The following PHLDB1 variants were observed in gnomAD, a reference collection of about 807,000 sequenced individuals.
The protein encoded by PHLDB1 is pleckstrin homology-like domain family B member 1.
PHLDB1 carries 65 observed loss-of-function variants against 139.3 expected under a neutral mutation model. That is an observed-to-expected ratio of 0.47 (90% confidence interval 0.38 to 0.57). The LOEUF is 0.57. PHLDB1 is among the 20% of genes least tolerant of loss of function. The pLI, the probability that PHLDB1 is intolerant of heterozygous loss-of-function variation, is 0.00. For missense variants in PHLDB1, 1,624 were observed against 1,839.7 expected (o/e 0.88, Z 2.14); for synonymous variants, 679 against 734.5 (o/e 0.92, Z 1.22).
rs1250386502 is a variant in PHLDB1 at position 118,611,267 on chromosome 11, G to C, written c.-21-2549G>C. Among the ~76,000 whole-genome samples, 1 of 152,170 alleles carries C rather than the reference G, an allele frequency of 6.6e-6. No homozygotes were observed. Among genetic ancestry groups the C allele is most frequent in the Admixed American group, 6.5e-5 (1 of 15,288 alleles). On this transcript the variant is annotated intron_variant, in intron 1 of 22. Coordinates refer to ENST00000600882, the MANE Select transcript of PHLDB1 (RefSeq NM_001144758.3). This position sits in a 1 kb window ranked among gnomAD's most constrained non-coding sequence, Gnocchi z 4.7. ...TCTTGGATCAGGTTACTGTGCTGGGGCCACAGCCTCGCACCTCCCAATCTC... is the reference window on the plus strand; with the variant it reads ...TCTTGGATCAGGTTACTGTGCTGGGCCCACAGCCTCGCACCTCCCAATCTC...
chr11:118,639,913 T>C, intron 12 of PHLDB1: 1 of 986,248 alleles, frequency 1.0e-6, no homozygotes, highest in Non-Finnish European at 1.2e-6. Flanking sequence ...ACTAAGGCTC[T>C]GGGCCTTTTC....
chr11:118,625,163 C>G (rs1943641319), intron 5 of PHLDB1, 104 bp downstream of exon 5: 1 of 1,363,838 alleles, frequency 7.3e-7, no homozygotes, highest in African/African-American at 1.5e-5. Context: ...AAGACAATAC[C>G]TAAGGTCTGG....
chr11:118,656,903 G>T lies in PHLDB1; in HGVS notation c.*80G>T, dbSNP rs1410666188. The stretch of plus-strand genomic sequence containing the variant: ...AATATTCTGTAAGGAGCTTGGTCCT[G>T]TGAGTTTCTGGGCTCTGGCCTCCTG... On this transcript the variant is annotated 3_prime_UTR_variant, in exon 23 of 23. Transcript: ENST00000600882. The T allele has an allele frequency of 4.6e-4, 597 of 1,308,308 alleles. 6 individuals carry two copies. The highest frequency in any genetic ancestry group is 4.7e-5 in the Non-Finnish European group (44 of 945,856). The allele number at this position is 1,308,308 out of a possible 1,614,324, so 81.0% of individuals were successfully genotyped here.
At position 118,628,195 on chromosome 11, in the gene PHLDB1, C is replaced by A; in HGVS notation, c.1372C>A (p.Pro458Thr). The A allele has an allele frequency of 1.9e-6, 3 of 1,613,994 alleles. No individual in the cohort carries two copies. Among genetic ancestry groups the A allele is most frequent in the Non-Finnish European group, 2.5e-6 (3 of 1,179,930 alleles). ...GGGCCTGGACAGTATGCGAGAACTA[C>A]CCCCCTTAAGTCCATCTCTGTCCCG... ...RRGLDSMREL[P>T]PLSPSLSRRA... The change falls in exon 6 of 23, where the codon CCC becomes ACC. Residue 458 changes from proline to threonine, a missense_variant. By Grantham distance (38) the Pro-to-Thr change is conservative. Transcript: ENST00000600882.
At chr11:118,655,913 G>A in intron 22 of PHLDB1, 21 bp downstream of exon 22, 2 of 1,593,560 alleles carry the variant, frequency 1.3e-6, no homozygotes, top group Non-Finnish European at 1.7e-6. Flanking sequence ...CCACTTAGCT[G>A]TAACCAGCAC....
intron 12 of PHLDB1, chr11:118,641,787 T>G: frequency 7.8e-7 from 1 of 1,286,868 alleles, no homozygotes. Context: ...CACCTAAGGT[T>G]GGTGGTTTGT....
intron 12 of PHLDB1, chr11:118,640,023 G>A (rs1946263136): frequency 7.1e-6 from 7 of 985,286 alleles, no homozygotes; most frequent in East Asian, 1.1e-4. Flanking sequence ...AGCTAACTGC[G>A]TGCTCTGCTT....
In PHLDB1 at chr11:118,608,154, C is replaced by A. The variant is rs1939473718; in HGVS notation, c.-22+455C>A. Reference sequence around the variant, plus strand: ...GCGGGGGTATCTCCTGTGACGTCTCCCCGCCTGTCCCCAGGCCGGCCGCCT... The same window carrying A: ...GCGGGGGTATCTCCTGTGACGTCTCACCGCCTGTCCCCAGGCCGGCCGCCT... On this transcript the variant is annotated intron_variant, in intron 1 of 22. Coordinates refer to ENST00000600882, the MANE Select transcript of PHLDB1 (RefSeq NM_001144758.3). The surrounding 1 kb of genome is among the most constrained non-coding windows in gnomAD (Gnocchi z 6.7). Among the ~76,000 whole-genome samples the A allele has an allele frequency of 6.6e-6, 1 of 152,102 alleles. No homozygotes were observed. Among genetic ancestry groups the A allele is most frequent in the African/African-American group, 2.4e-5 (1 of 41,440 alleles).
chr11:118,628,219 C>T lies in PHLDB1; in HGVS notation c.1396C>T (p.Arg466Trp), dbSNP rs879946282. 11 of 1,613,970 alleles carry T rather than the reference C, an allele frequency of 6.8e-6. No individual in the cohort carries two copies. The highest frequency in any genetic ancestry group is 3.3e-4 in the Middle Eastern group (2 of 6,084). Residue 466 changes from arginine to tryptophan, a missense_variant, in exon 6 of 23, where the codon CGG becomes TGG. Coordinates refer to ENST00000600882, the MANE Select transcript of PHLDB1 (RefSeq NM_001144758.3). ...ACCCCCCTTAAGTCCATCTCTGTCCCGGCGAGCTCTCTCCCCGCTGCCCAC... is the reference window on the plus strand; with the variant it reads ...ACCCCCCTTAAGTCCATCTCTGTCCTGGCGAGCTCTCTCCCCGCTGCCCAC... ...ELPPLSPSLSRRALSPLPTRT... is the reference protein window; with the variant it reads ...ELPPLSPSLSWRALSPLPTRT...
rs782072971 is a variant in PHLDB1 at position 118,628,359 on chromosome 11, G to C, written c.1536G>C (p.Arg512=). The C allele has an allele frequency of 6.2e-7, 1 of 1,611,838 alleles. No homozygotes were observed. Among genetic ancestry groups the C allele is most frequent in the East Asian group, 2.2e-5 (1 of 44,832 alleles). ...PEDFSLTLGA[R]GRRTRSPSPT... ...ACTTCTCCCTGACGCTGGGGGCACGGGGCCGTAGGACACGGAGCCCCTCAC... is the reference window on the plus strand; with the variant it reads ...ACTTCTCCCTGACGCTGGGGGCACGCGGCCGTAGGACACGGAGCCCCTCAC... Residue 512 remains arginine (R), a synonymous_variant, in exon 6 of 23, where the codon CGG becomes CGC. Transcript: ENST00000600882.
intron 17 of PHLDB1, 170 bp from the exon 18 acceptor site, chr11:118,647,760 T>C: frequency 1.5e-6 from 1 of 658,948 alleles, no homozygotes; most frequent in Non-Finnish European, 2.5e-6. Flanking sequence ...GCTTAAAGCA[T>C]TTCTCTTTAA....
At chr11:118,622,582 C>T (rs1943049803) in intron 4 of PHLDB1, among the ~76,000 whole-genome samples, 1 of 152,126 alleles carries the variant, frequency 6.6e-6, no homozygotes, top group Non-Finnish European at 1.5e-5. Context: ...CTACATCCTA[C>T]TTGGGTGGGC....
Position 118,643,834 on chromosome 11 carries a change from G to C in PHLDB1, c.2912G>C (p.Ser971Thr). Reference sequence around the variant, plus strand: ...TCCAAGATGGATGGCGAGGCCACCAGCCCCCTTCCCCGGACCCGCAGCGGC... The same window carrying C: ...TCCAAGATGGATGGCGAGGCCACCACCCCCCTTCCCCGGACCCGCAGCGGC... ...YRSKMDGEAT[S>T]PLPRTRSGPL... The change falls in exon 14 of 23, where the codon AGC (serine) becomes ACC (threonine). Residue 971 changes from serine (S) to threonine (T), a missense_variant. By Grantham distance (58) the Ser-to-Thr change is moderately conservative (BLOSUM62 1). Coordinates refer to ENST00000600882, the MANE Select transcript of PHLDB1 (RefSeq NM_001144758.3). 6.2e-7 allele frequency: 1 copy of C among 1,614,062 alleles called. No homozygotes were observed. The highest frequency in any genetic ancestry group is 1.1e-5 in the South Asian group (1 of 91,086).
intron 20 of PHLDB1, chr11:118,651,785 CAA>C (rs57871676): frequency 0.015 from 1,729 of 118,320 alleles, 36 homozygotes; most frequent in African/African-American, 0.049. Flanking sequence ...GACGCCGTCT[CAA>C]AAAAAAAAAA....
chr11:118,622,978 T>C (rs1326839394), intron 4 of PHLDB1, among the ~76,000 whole-genome samples: 3 of 152,164 alleles, frequency 2.0e-5, no homozygotes, highest in African/African-American at 7.2e-5. Context: ...TTATCCACTA[T>C]GGTTATCTGC....
At chr11:118,639,458 C>T in intron 12 of PHLDB1, 1 of 593,912 alleles carries the variant, frequency 1.7e-6, no homozygotes. Flanking sequence ...CTGGGGTTCC[C>T]AGGAGCCTAC....
intron 21 of PHLDB1, 82 bp downstream of exon 21, chr11:118,655,772 G>A: frequency 1.4e-6 from 2 of 1,476,356 alleles, no homozygotes; most frequent in South Asian, 2.3e-5. Flanking sequence ...GGGAGCAAAG[G>A]CCTCCAGCCT....
intron 13 of PHLDB1, among the ~76,000 whole-genome samples, chr11:118,643,120 A>T (rs931509071): frequency 6.6e-6 from 1 of 152,232 alleles, no homozygotes; most frequent in South Asian, 2.1e-4. Context: ...GAGTTTGATC[A>T]TGTAAGACTT....
At chr11:118,635,307 A>G in intron 9 of PHLDB1, 86 bp from the exon 10 acceptor site, 1 of 1,441,016 alleles carries the variant, frequency 6.9e-7, no homozygotes, top group Non-Finnish European at 9.4e-7. Context: ...CCAGCCCCAT[A>G]CAACGCATGC....
Sources: allele counts gnomAD v4.1 joint callset (sites outside exome capture counted in the v4.1 genomes callset), GRCh38; gene constraint gnomAD v4.1.1; non-coding constraint Gnocchi (gnomAD v3.1); transcripts MANE v1.5; gene names NCBI Gene and HGNC (gene_info 2026-07-23, HGNC 2026-07-21).